LRFN2: variants seen among roughly 807,000 people sequenced by gnomAD.
LRFN2 encodes leucine rich repeat and fibronectin type III domain containing 2, also known as leucine-rich repeat and fibronectin type-III domain-containing protein 2.
In LRFN2, 18 loss-of-function variants were observed where a neutral mutation model predicts 37.3. The ratio of observed to expected loss-of-function variants is 0.48; its 90% confidence interval spans 0.33 to 0.72. The LOEUF is 0.72. Among genes scored for constraint, LRFN2 ranks in the 30% least tolerant of loss-of-function variants. The probability of loss-of-function intolerance (pLI) is 0.02; values close to 1 mark genes in which losing one functional copy is unlikely to be tolerated. For missense variants in LRFN2, 1,006 were observed against 1,060.7 expected, an observed-to-expected ratio of 0.95 and a Z score of 0.72; for synonymous variants, 556 against 466.6, an observed-to-expected ratio of 1.19 and a Z score of -2.47.
intron 2 of LRFN2, among the ~76,000 whole-genome samples, chr6:40,395,113 C>T (rs1026868406): frequency 1.3e-5 from 2 of 152,080 alleles, no homozygotes; most frequent in Non-Finnish European, 2.9e-5. Context: ...CTGCAGCCAG[C>T]CCCACAGGTC....
intron 2 of LRFN2, among the ~76,000 whole-genome samples, chr6:40,414,097 C>A (rs1409117445): frequency 6.6e-6 from 1 of 152,236 alleles, no homozygotes; most frequent in Non-Finnish European, 1.5e-5. Flanking sequence ...CACAACAGGC[C>A]TGGGTTTGAA....
chr6:40,583,286 G>C (rs973778134), intron 1 of LRFN2, among the ~76,000 whole-genome samples: 9 of 130,112 alleles, frequency 6.9e-5, no homozygotes, highest in Non-Finnish European at 1.5e-4. Context: ...GTGTGATTAG[G>C]AGAAACCCTC....
chr6:40,393,766 C>A (rs1253943452), intron 2 of LRFN2, among the ~76,000 whole-genome samples: 1 of 152,136 alleles, frequency 6.6e-6, no homozygotes, highest in Non-Finnish European at 1.5e-5. Context: ...ACTTTCTGAG[C>A]CTTCTTTCTG....
At chr6:40,403,091 C>G (rs889618035) in intron 2 of LRFN2, among the ~76,000 whole-genome samples, 2 of 152,296 alleles carry the variant, frequency 1.3e-5, no homozygotes, top group South Asian at 2.1e-4. Context: ...ACTCTTTGTT[C>G]CAACTCTGAG....
chr6:40,542,355 C>T (rs905492826), intron 1 of LRFN2, among the ~76,000 whole-genome samples: 1 of 152,086 alleles, frequency 6.6e-6, no homozygotes, highest in African/African-American at 2.4e-5. Context: ...AGGATGCAGC[C>T]TAAGCAATGC....
intron 1 of LRFN2, among the ~76,000 whole-genome samples, chr6:40,545,052 G>A (rs766775890): frequency 1.3e-5 from 2 of 152,180 alleles, no homozygotes; most frequent in Non-Finnish European, 2.9e-5. Flanking sequence ...TCCCATCTCT[G>A]AGCCAGAGTA....
chr6:40,515,460 T>G (rs1765838414), intron 1 of LRFN2, among the ~76,000 whole-genome samples: 1 of 152,194 alleles, frequency 6.6e-6, no homozygotes, highest in African/African-American at 2.4e-5. Context: ...CCCTTTGCCC[T>G]TTCCATGACA....
At chr6:40,424,298 G>A (rs375078926) in intron 2 of LRFN2, among the ~76,000 whole-genome samples, 1 of 152,122 alleles carries the variant, frequency 6.6e-6, no homozygotes, top group East Asian at 1.9e-4. Context: ...CTTCCAGAAG[G>A]CTACTCCATA....
intron 1 of LRFN2, among the ~76,000 whole-genome samples, chr6:40,533,286 A>G (rs1766382910): frequency 6.6e-6 from 1 of 151,558 alleles, no homozygotes; most frequent in South Asian, 2.1e-4. Context: ...CTATTACTTT[A>G]TGTACCAATT....
intron 1 of LRFN2, among the ~76,000 whole-genome samples, chr6:40,581,241 C>T (rs1419269921): frequency 4.6e-5 from 7 of 152,194 alleles, no homozygotes; most frequent in Admixed American, 4.6e-4. Flanking sequence ...ACTTCCAGGG[C>T]CTAGATGGCT....
chr6:40,428,589 A>G (rs1763408034), intron 2 of LRFN2, among the ~76,000 whole-genome samples: 1 of 152,234 alleles, frequency 6.6e-6, no homozygotes, highest in Non-Finnish European at 1.5e-5. Flanking sequence ...ACAGGGGTTG[A>G]GTCTGGGTGC....
chr6:40,559,786 G>A (rs1737679), intron 1 of LRFN2, among the ~76,000 whole-genome samples: 96,041 of 151,956 alleles, frequency 0.63, 31,703 homozygotes, highest in African/African-American at 0.82. Context: ...CATTTCATCC[G>A]CCCCCTCTGA....
chr6:40,431,999 A>G lies in LRFN2; in HGVS notation c.1115T>C (p.Val372Ala). ...ANAAGEATAM[V>A]EVSIVQLPHL... ...TGGCAGCTGGACGATGGAGACCTCC[A>G]CCATGGCCGTGGCCTCTCCGGCAGC... is the stretch of plus-strand genomic sequence containing the variant. The change falls in exon 2 of 3, where the codon GTG becomes GCG. Residue 372 changes from valine (V) to alanine (A), a missense_variant. Coordinates refer to ENST00000338305, the MANE Select transcript of LRFN2 (RefSeq NM_020737.3). The G allele has an allele frequency of 1.2e-6, 2 of 1,613,596 alleles. No individual in the cohort carries two copies. Among genetic ancestry groups the G allele is most frequent in the Non-Finnish European group, 1.7e-6 (2 of 1,179,992 alleles).
At chr6:40,478,648 G>T (rs777215832) in intron 1 of LRFN2, among the ~76,000 whole-genome samples, 1 of 152,184 alleles carries the variant, frequency 6.6e-6, no homozygotes, top group Non-Finnish European at 1.5e-5. Flanking sequence ...AGTACCCCAG[G>T]GTTGGTCAGT....
intron 2 of LRFN2, among the ~76,000 whole-genome samples, chr6:40,424,369 A>G (rs533791526): frequency 1.3e-5 from 2 of 152,320 alleles, no homozygotes; most frequent in South Asian, 4.1e-4. Context: ...CCTTAATAAA[A>G]AGTCTTTGGG....
intron 1 of LRFN2, among the ~76,000 whole-genome samples, chr6:40,469,420 C>T (rs567690083): frequency 8.5e-5 from 13 of 152,308 alleles, no homozygotes; most frequent in African/African-American, 3.1e-4. Flanking sequence ...AGGAAACCTC[C>T]TATCCTGGGC....
intron 1 of LRFN2, among the ~76,000 whole-genome samples, chr6:40,491,541 T>A (rs1469177408): frequency 6.9e-6 from 1 of 144,950 alleles, no homozygotes; most frequent in African/African-American, 2.6e-5. Flanking sequence ...TGACTGTGGG[T>A]AGGTAGGCAG....
chr6:40,571,370 C>T (rs1173971084), intron 1 of LRFN2, among the ~76,000 whole-genome samples: 1 of 152,134 alleles, frequency 6.6e-6, no homozygotes, highest in Non-Finnish European at 1.5e-5. Context: ...AGACCTTGGC[C>T]AGAATAAGAG....
chr6:40,418,573 T>G (rs1435695422), intron 2 of LRFN2, among the ~76,000 whole-genome samples: 1 of 152,178 alleles, frequency 6.6e-6, no homozygotes, highest in Non-Finnish European at 1.5e-5. Flanking sequence ...TACAGAGTTT[T>G]CCTCACCCCA....
Sources: gnomAD v4.1 joint callset for allele counts (sites outside exome capture counted in the v4.1 genomes callset) on GRCh38, gnomAD v4.1.1 for gene constraint, MANE v1.5 for transcripts, NCBI Gene and HGNC (gene_info 2026-07-23, HGNC 2026-07-21) for gene names.